The following WDR4 variants were observed in gnomAD, a reference collection of about 807,000 sequenced individuals.
WDR4 encodes tRNA (guanine-N(7)-)-methyltransferase non-catalytic subunit WDR4.
A neutral mutation model predicts 48.6 loss-of-function variants in WDR4; 47 were observed. The observed-to-expected ratio is 0.97, with a 90% CI of 0.77 to 1.23. The LOEUF (loss-of-function observed/expected upper bound fraction) is 1.23. Ranked by LOEUF, WDR4 falls within the 50% of genes most tolerant of loss-of-function variation. WDR4 has a pLI of 0.00. For synonymous variants in WDR4, 268 were observed against 230.0 expected (o/e 1.17, Z -1.49); for missense variants, 606 against 551.6 (o/e 1.10, Z -0.99).
intron 3 of WDR4, among the ~76,000 whole-genome samples, chr21:42,864,589 C>A (rs1470835202): frequency 1.3e-5 from 2 of 152,172 alleles, no homozygotes; most frequent in Non-Finnish European, 2.9e-5. Context: ...TCCCCCCAGT[C>A]CACATCCACA....
chr21:42,874,585 A>G (rs1012989382), intron 2 of WDR4, among the ~76,000 whole-genome samples: 1 of 152,158 alleles, frequency 6.6e-6, no homozygotes, highest in Non-Finnish European at 1.5e-5. Flanking sequence ...CATCCCTGAG[A>G]AAGAGAATGC....
intron 4 of WDR4, 48 bp downstream of exon 4, chr21:42,863,392 C>T (rs376828929): frequency 4.2e-5 from 67 of 1,581,774 alleles, no homozygotes; most frequent in African/African-American, 4.1e-5. Flanking sequence ...CCCCATGTAC[C>T]GTGTCCCACA....
chr21:42,878,683 A>G (rs1328911324), intron 1 of WDR4, among the ~76,000 whole-genome samples: 2 of 152,202 alleles, frequency 1.3e-5, no homozygotes, highest in African/African-American at 4.8e-5. Flanking sequence ...GGACTGTTCC[A>G]TCAACAAACA....
chr21:42,843,405 GCTTTTTTT>G (rs2057683089), intron 11 of WDR4: 2 of 118,906 alleles, frequency 1.7e-5, no homozygotes, highest in Admixed American at 1.2e-4. Flanking sequence ...ACACTGGTGT[GCTTTTTTT>G]TTTTTTTTTT....
intron 1 of WDR4, chr21:42,878,986 T>A (rs2058565369): frequency 1.0e-6 from 1 of 1,003,034 alleles, no homozygotes; most frequent in South Asian, 4.5e-5. Flanking sequence ...GCCCCTCCCT[T>A]CTCACCAGGG....
At chr21:42,847,011 C>T (rs970948016), downstream of WDR4, among the ~76,000 whole-genome samples, 1 of 149,050 alleles carries the variant, frequency 6.7e-6, no homozygotes, top group Non-Finnish European at 1.5e-5. Flanking sequence ...GCACTCCAGC[C>T]TGGGCAACAG....
chr21:42,867,188 C>G (rs763736027), intron 3 of WDR4, among the ~76,000 whole-genome samples: 1 of 152,128 alleles, frequency 6.6e-6, no homozygotes, highest in Non-Finnish European at 1.5e-5. Flanking sequence ...GTCAGGAGTT[C>G]AAGACCAGCC....
intron 5 of WDR4, among the ~76,000 whole-genome samples, chr21:42,861,346 A>C (rs894497954): frequency 9.5e-5 from 1 of 10,494 alleles, no homozygotes; most frequent in Non-Finnish European, 1.6e-4. Context: ...TGGGGTGGGG[A>C]GGGGGGAAGG....
downstream of WDR4, among the ~76,000 whole-genome samples, chr21:42,846,045 T>C (rs768400094): frequency 6.6e-6 from 1 of 151,640 alleles, no homozygotes; most frequent in African/African-American, 2.4e-5. Context: ...GGTGGGAGGA[T>C]CGCTTGAGCC....
chr21:42,877,225 C>A (rs8126984), intron 1 of WDR4, among the ~76,000 whole-genome samples: 2,853 of 147,102 alleles, frequency 0.019, 106 homozygotes, highest in African/African-American at 0.069. Flanking sequence ...GTCACTGCAA[C>A]CTCCCCCTCC....
At chr21:42,865,716 C>T (rs569165273) in intron 3 of WDR4, among the ~76,000 whole-genome samples, 15 of 152,166 alleles carry the variant, frequency 9.9e-5, no homozygotes, top group Admixed American at 3.3e-4. Flanking sequence ...GGCACAACCC[C>T]GCCCGCCCTC....
At chr21:42,866,442 G>A (rs1207412209) in intron 3 of WDR4, among the ~76,000 whole-genome samples, 1 of 152,216 alleles carries the variant, frequency 6.6e-6, no homozygotes, top group African/African-American at 2.4e-5. Context: ...GAAATGCAGA[G>A]AGGCTAGGAG....
chr21:42,848,247 G>T (rs540619914), downstream of WDR4, among the ~76,000 whole-genome samples: 8 of 152,300 alleles, frequency 5.3e-5, no homozygotes, highest in African/African-American at 1.7e-4. Context: ...CGAATTAAGT[G>T]ATGTACCCAG....
the WDR4 span, among the ~76,000 whole-genome samples, chr21:42,891,604 C>T: frequency 6.6e-6 from 1 of 151,988 alleles, no homozygotes; most frequent in Non-Finnish European, 1.5e-5. Flanking sequence ...TTAAGCACAC[C>T]TCACAAAGGC....
intron 5 of WDR4, among the ~76,000 whole-genome samples, chr21:42,861,411 A>G (rs1881886452): frequency 6.6e-6 from 1 of 151,466 alleles, no homozygotes; most frequent in Non-Finnish European, 1.5e-5. Context: ...GTTTTTACTC[A>G]ATACTTCTAA....
intron 1 of WDR4, chr21:42,879,172 A>G: frequency 7.5e-7 from 1 of 1,326,586 alleles, no homozygotes; most frequent in Admixed American, 3.5e-5. Flanking sequence ...ATCTAGTGCA[A>G]GGAGCGCGCC....
At chr21:42,879,273 C>T in intron 1 of WDR4, 134 bp downstream of exon 1, 4 of 1,397,948 alleles carry the variant, frequency 2.9e-6, no homozygotes, top group Non-Finnish European at 3.7e-6. Flanking sequence ...GCGGAGGACT[C>T]GTGGGCTGGA....
the WDR4 span, among the ~76,000 whole-genome samples, chr21:42,892,389 C>T: frequency 6.6e-6 from 1 of 152,034 alleles, no homozygotes; most frequent in South Asian, 2.1e-4. Context: ...TGGATGGTGG[C>T]AGATGCCCTT....
At chr21:42,892,804 C>T in the WDR4 span, among the ~76,000 whole-genome samples, 5 of 152,196 alleles carry the variant, frequency 3.3e-5, no homozygotes. Flanking sequence ...CAGTGGTGGC[C>T]GCGTTGCCGA....
Sources: allele counts gnomAD v4.1 joint callset (sites outside exome capture counted in the v4.1 genomes callset), GRCh38; gene constraint gnomAD v4.1.1; transcripts MANE v1.5; gene names NCBI Gene and HGNC (gene_info 2026-07-23, HGNC 2026-07-21).